PSEN1: variants seen among roughly 807,000 people sequenced by gnomAD.
PSEN1 encodes presenilin-1.
Under a neutral mutation model 53.5 loss-of-function variants are expected in PSEN1, and 15 were observed. That is an observed-to-expected ratio of 0.28 (90% CI 0.19 to 0.43). PSEN1 has a LOEUF of 0.43. PSEN1 is among the 20% of genes least tolerant of loss of function. The pLI is 1.00. For missense variants in PSEN1, 387 were observed against 571.2 expected, an observed-to-expected ratio of 0.68 and a Z score of 3.29; for synonymous variants, 208 against 209.8, an observed-to-expected ratio of 0.99 and a Z score of 0.08.
Position 73,170,943 on chromosome 14 carries a change from C to T in PSEN1, c.234C>T (p.Gly78=), listed in dbSNP as rs143782428. ...EEDEELTLKY[G]AKHVIMLFVP... ...ATGAGGAGCTGACATTGAAATATGG[C>T]GCCAAGCATGTGATCATGCTCTTTG... is the stretch of plus-strand genomic sequence containing the variant. Residue 78 remains glycine (G), a synonymous_variant, in exon 4 of 12, where the codon GGC becomes GGT. Coordinates refer to ENST00000324501, the MANE Select transcript of PSEN1 (RefSeq NM_000021.4). The T allele has an allele frequency of 1.8e-4, 287 of 1,614,050 alleles. No homozygotes were observed. Among genetic ancestry groups the T allele is most frequent in the East Asian group, 3.1e-4 (14 of 44,898 alleles).
At chr14:73,187,961 C>G (rs569682048) in intron 6 of PSEN1, among the ~76,000 whole-genome samples, 1 of 151,820 alleles carries the variant, frequency 6.6e-6, no homozygotes, top group Non-Finnish European at 1.5e-5. Flanking sequence ...TTGAGTCTCA[C>G]GCTGTTGCCC....
intron 1 of PSEN1, among the ~76,000 whole-genome samples, chr14:73,143,991 A>T (rs1896996501): frequency 8.6e-6 from 1 of 115,648 alleles, no homozygotes. Flanking sequence ...TGTCTCTTAA[A>T]AAAAAAAAAA....
intron 10 of PSEN1, among the ~76,000 whole-genome samples, chr14:73,216,665 A>G (rs1899927085): frequency 1.3e-5 from 2 of 152,054 alleles, no homozygotes; most frequent in African/African-American, 4.8e-5. Context: ...AGGCTGAGAC[A>G]GGAAAGTCGC....
At chr14:73,211,706 A>G in intron 9 of PSEN1, 63 bp from the exon 10 acceptor site, 1 of 1,567,376 alleles carries the variant, frequency 6.4e-7, no homozygotes, top group Non-Finnish European at 8.8e-7. Flanking sequence ...TTTCCATGTA[A>G]TTTTCTTAAA....
At chr14:73,171,103 C>A in intron 4 of PSEN1, 56 bp downstream of exon 4, 1 of 1,601,104 alleles carries the variant, frequency 6.2e-7, no homozygotes, top group Non-Finnish European at 8.5e-7. Flanking sequence ...TTCTTTACAG[C>A]ATGTCATCAT....
At chr14:73,195,069 A>G (rs550932939) in intron 7 of PSEN1, among the ~76,000 whole-genome samples, 38 of 152,354 alleles carry the variant, frequency 2.5e-4, no homozygotes, top group African/African-American at 9.1e-4. Flanking sequence ...TATGTTGTAT[A>G]GTACTTGATG....
At chr14:73,185,962 T>C (rs1234161142) in intron 5 of PSEN1, among the ~76,000 whole-genome samples, 1 of 152,230 alleles carries the variant, frequency 6.6e-6, no homozygotes, top group African/African-American at 2.4e-5. Context: ...CTAGGTGATA[T>C]ATGGGTGTTC....
chr14:73,152,907 G>A (rs925300787), intron 3 of PSEN1, among the ~76,000 whole-genome samples: 4 of 152,188 alleles, frequency 2.6e-5, no homozygotes, highest in Non-Finnish European at 4.4e-5. Flanking sequence ...GCCAGGTGTG[G>A]TGGTGCGCCC....
intron 5 of PSEN1, among the ~76,000 whole-genome samples, chr14:73,178,231 T>G (rs1167994221): frequency 6.6e-6 from 1 of 151,088 alleles, no homozygotes. Context: ...TTTTTTTTTT[T>G]TTTTTTGAGA....
chr14:73,204,111 G>C (rs10132644), intron 8 of PSEN1, among the ~76,000 whole-genome samples: 2,281 of 152,178 alleles, frequency 0.015, 58 homozygotes, highest in African/African-American at 0.051. Context: ...CAATTCTCCT[G>C]CCTCAGCCTC....
intron 3 of PSEN1, among the ~76,000 whole-genome samples, chr14:73,152,352 TG>T (rs1282885651): frequency 6.6e-6 from 1 of 150,808 alleles, no homozygotes; most frequent in Non-Finnish European, 1.5e-5. Flanking sequence ...GGCTCACACA[TG>T]TAATCCCAGC....
Position 73,219,568 on chromosome 14 carries a change from G to A in PSEN1, c.*279G>A. The A allele has an allele frequency of 4.6e-6, 2 of 438,066 alleles. No homozygotes were observed. Among genetic ancestry groups the A allele is most frequent in the East Asian group, 9.5e-5 (2 of 21,060 alleles). The allele number at this position is 438,066 out of a possible 1,614,324, so 27.1% of individuals were successfully genotyped here. Reference sequence around the variant, plus strand: ...GGACGAGGTCAAGGAGATATGATAGGCCCGGAAGTTGCTGTGCCCCATCAG... The same window carrying A: ...GGACGAGGTCAAGGAGATATGATAGACCCGGAAGTTGCTGTGCCCCATCAG... On this transcript the variant is annotated 3_prime_UTR_variant, in exon 12 of 12. Coordinates refer to ENST00000324501, the MANE Select transcript of PSEN1 (RefSeq NM_000021.4).
At chr14:73,165,780 G>A (rs76389699) in intron 3 of PSEN1, among the ~76,000 whole-genome samples, 5,805 of 150,570 alleles carry the variant, frequency 0.039, 233 homozygotes, top group East Asian at 0.23. Flanking sequence ...GTGTGTGGCC[G>A]GGCGCGGTGG....
chr14:73,199,487 C>T (rs925286889), intron 8 of PSEN1, among the ~76,000 whole-genome samples: 4 of 152,150 alleles, frequency 2.6e-5, no homozygotes, highest in East Asian at 1.9e-4. Flanking sequence ...TGTTCTCTTA[C>T]GTAGATATTC....
chr14:73,180,133 C>T (rs187976554), intron 5 of PSEN1, among the ~76,000 whole-genome samples: 70 of 152,114 alleles, frequency 4.6e-4, no homozygotes, highest in Admixed American at 2.3e-3. Flanking sequence ...TACTGGGACA[C>T]GCCACCATGC....
chr14:73,215,662 G>A (rs1165993690), intron 10 of PSEN1, among the ~76,000 whole-genome samples: 3 of 152,210 alleles, frequency 2.0e-5, no homozygotes, highest in South Asian at 2.1e-4. Flanking sequence ...ATACGAAGAC[G>A]ATAGCCCAAA....
intron 8 of PSEN1, among the ~76,000 whole-genome samples, chr14:73,205,881 C>T (rs917206616): frequency 6.6e-5 from 10 of 152,216 alleles, no homozygotes; most frequent in Non-Finnish European, 7.4e-5. Context: ...CTTGACTATC[C>T]CTATTATGTT....
intron 3 of PSEN1, among the ~76,000 whole-genome samples, chr14:73,148,565 G>T (rs1897133998): frequency 6.6e-6 from 1 of 152,178 alleles, no homozygotes. Context: ...TGTGCTGTCG[G>T]ACAAAGAGAT....
intron 9 of PSEN1, among the ~76,000 whole-genome samples, chr14:73,211,051 C>T (rs1268384582): frequency 6.6e-6 from 1 of 152,130 alleles, no homozygotes; most frequent in Non-Finnish European, 1.5e-5. Context: ...GTCACCAAAT[C>T]CAGGGATGAG....
Sources: allele counts gnomAD v4.1 joint callset (sites outside exome capture counted in the v4.1 genomes callset), GRCh38; gene constraint gnomAD v4.1.1; transcripts MANE v1.5; gene names NCBI Gene and HGNC (gene_info 2026-07-23, HGNC 2026-07-21).